The following CPD variants were observed in gnomAD, a reference collection of about 807,000 sequenced individuals.
The protein encoded by CPD is metallocarboxypeptidase D.
A neutral mutation model predicts 138.3 loss-of-function variants in CPD; 69 were observed. The observed-to-expected ratio is 0.50, with a 90% CI of 0.41 to 0.61. CPD has a LOEUF of 0.61. CPD is among the 20% of genes least tolerant of loss of function. The pLI, the probability that CPD is intolerant of heterozygous loss-of-function variation, is 0.00. For synonymous variants in CPD, 651 were observed against 642.1 expected, an observed-to-expected ratio of 1.01 and a Z score of -0.21; for missense variants, 1,432 against 1,733.3, an observed-to-expected ratio of 0.83 and a Z score of 3.09.
intron 2 of CPD, among the ~76,000 whole-genome samples, chr17:30,418,296 T>C (rs1246978198): frequency 6.6e-6 from 1 of 152,086 alleles, no homozygotes; most frequent in African/African-American, 2.4e-5. Flanking sequence ...TCCTCCCACC[T>C]CAACCTCCTG....
At chr17:30,458,654 G>A (rs563880442) in intron 17 of CPD, among the ~76,000 whole-genome samples, 1 of 152,054 alleles carries the variant, frequency 6.6e-6, no homozygotes, top group African/African-American at 2.4e-5. Context: ...ATCATTTGAT[G>A]TCAGGAGTTC....
At chr17:30,387,801 G>A (rs900738654) in intron 2 of CPD, among the ~76,000 whole-genome samples, 7 of 152,166 alleles carry the variant, frequency 4.6e-5, no homozygotes, top group African/African-American at 1.7e-4. Context: ...TTCGTTACTG[G>A]ATCTTTGGGG....
At chr17:30,446,144 T>C in intron 12 of CPD, 124 bp downstream of exon 12, 1 of 735,628 alleles carries the variant, frequency 1.4e-6, no homozygotes, top group Non-Finnish European at 2.2e-6. Flanking sequence ...AGTTGGAGTT[T>C]ACTTATTTTG....
chr17:30,453,619 G>A (rs1913220473), intron 14 of CPD, among the ~76,000 whole-genome samples: 1 of 152,166 alleles, frequency 6.6e-6, no homozygotes, highest in Non-Finnish European at 1.5e-5. Flanking sequence ...GAGGATGGTG[G>A]CCCTCTTCTC....
intron 6 of CPD, among the ~76,000 whole-genome samples, chr17:30,425,402 C>G (rs1912377201): frequency 6.6e-6 from 1 of 152,082 alleles, no homozygotes; most frequent in Non-Finnish European, 1.5e-5. Flanking sequence ...TGCTTATAAT[C>G]CCAGCACTTT....
intron 4 of CPD, 88 bp downstream of exon 4, chr17:30,421,921 T>G: frequency 9.8e-7 from 1 of 1,021,288 alleles, no homozygotes; most frequent in Non-Finnish European, 1.4e-6. Context: ...GTACATGTTG[T>G]TTATTTTTTG....
Position 30,451,837 on chromosome 17 carries a change from G to C in CPD, c.3196G>C (p.Asp1066His). 1 of 1,613,930 alleles carries C rather than the reference G, an allele frequency of 6.2e-7. No homozygotes were observed. The highest frequency in any genetic ancestry group is 8.5e-7 in the Non-Finnish European group (1 of 1,179,894). The change falls in exon 14 of 21, where the codon GAC (aspartate) becomes CAC (histidine). Residue 1066 changes from aspartate (D) to histidine (H), a missense_variant. Physicochemically the swap from Asp to His is moderately conservative, Grantham distance 81. Transcript: ENST00000225719. The part of the protein sequence containing the change: ...TNARGKDLDT[D>H]FTNNASQPET... ...TGCTCGTGGCAAAGATTTGGATACA[G>C]ACTTCACAAGTAAGACTAATTTTTA... is the stretch of plus-strand genomic sequence containing the variant.
chr17:30,402,590 G>A (rs530055730), intron 2 of CPD, among the ~76,000 whole-genome samples: 6 of 152,222 alleles, frequency 3.9e-5, no homozygotes, highest in Non-Finnish European at 5.9e-5. Context: ...AAAACAAAAC[G>A]AAAACCTTAA....
chr17:30,457,425 T>C (rs1913329622), intron 17 of CPD, among the ~76,000 whole-genome samples: 1 of 152,198 alleles, frequency 6.6e-6, no homozygotes, highest in South Asian at 2.1e-4. Flanking sequence ...AAGATTGGTA[T>C]TGCAGGTATC....
At chr17:30,455,731 T>C in intron 15 of CPD, 1 of 362,370 alleles carries the variant, frequency 2.8e-6, no homozygotes, top group South Asian at 5.7e-5. Flanking sequence ...TGAGCAATTA[T>C]TATGTCTGTA....
At chr17:30,456,430 T>C in intron 16 of CPD, 32 bp from the exon 17 acceptor site, 1 of 1,613,172 alleles carries the variant, frequency 6.2e-7, no homozygotes, top group South Asian at 1.1e-5. Context: ...CTTAAGGTCT[T>C]CCTGATTCCA....
At chr17:30,445,223 G>A (rs919896455) in intron 11 of CPD, among the ~76,000 whole-genome samples, 9 of 152,156 alleles carry the variant, frequency 5.9e-5, no homozygotes, top group Non-Finnish European at 1.2e-4. Flanking sequence ...CCAGCACTTT[G>A]GGAGGCAGAG....
intron 2 of CPD, among the ~76,000 whole-genome samples, chr17:30,400,852 T>A: frequency 6.7e-6 from 1 of 149,142 alleles, no homozygotes. Flanking sequence ...TTGTATTTTG[T>A]ATTTTTAGTG....
chr17:30,406,178 G>A (rs1911796661), intron 2 of CPD, among the ~76,000 whole-genome samples: 1 of 151,756 alleles, frequency 6.6e-6, no homozygotes, highest in African/African-American at 2.4e-5. Context: ...TCTTATCAAA[G>A]AAAAATTTGG....
In CPD at chr17:30,431,780, G is replaced by C; in HGVS notation, c.2026G>C (p.Val676Leu). The C allele has an allele frequency of 6.2e-7, 1 of 1,608,086 alleles. No individual in the cohort carries two copies. The highest frequency in any genetic ancestry group is 8.5e-7 in the Non-Finnish European group (1 of 1,175,656). The stretch of plus-strand genomic sequence containing the variant: ...CCTCTTTTCCCTTATAGGTTCTTTG[G>C]TGGTTAACTACCCTTTTGATGATGA... Reference protein sequence around the residue: ...LSANLHGGSLVVNYPFDDDEQ... With the variant: ...LSANLHGGSLLVNYPFDDDEQ... The change falls in exon 8 of 21, where the codon GTG becomes CTG. Residue 676 changes from valine (V) to leucine (L), a missense_variant. Transcript: ENST00000225719.
At chr17:30,428,882 T>TAA (rs34217907) in intron 7 of CPD, among the ~76,000 whole-genome samples, 65,099 of 146,534 alleles carry the variant, frequency 0.44, 14,914 homozygotes, top group East Asian at 0.83. Context: ...GTAAAACTAC[T>TAA]AAAAAAAAAA....
intron 20 of CPD, 144 bp downstream of exon 20, chr17:30,462,613 C>T: frequency 1.6e-6 from 1 of 640,010 alleles, no homozygotes; most frequent in South Asian, 1.9e-5. Flanking sequence ...TTTTCCTGGA[C>T]CTCTGTTCTC....
chr17:30,424,168 A>C (rs1912340618), intron 6 of CPD, among the ~76,000 whole-genome samples: 1 of 152,152 alleles, frequency 6.6e-6, no homozygotes, highest in Admixed American at 6.5e-5. Context: ...TAAGATATAC[A>C]TTGGCTTGGT....
intron 9 of CPD, 82 bp downstream of exon 9, chr17:30,439,159 A>G: frequency 1.4e-6 from 1 of 714,924 alleles, no homozygotes; most frequent in East Asian, 2.9e-5. Context: ...ATTATCTTTT[A>G]GTTTTGAGGA....
Sources: gnomAD v4.1 joint callset for allele counts (sites outside exome capture counted in the v4.1 genomes callset) on GRCh38, gnomAD v4.1.1 for gene constraint, MANE v1.5 for transcripts, NCBI Gene and HGNC (gene_info 2026-07-23, HGNC 2026-07-21) for gene names.